Variants in ATRIP observed in about 807,000 individuals in gnomAD.
ATRIP encodes ATR interacting protein.
A neutral mutation model predicts 78.1 loss-of-function variants in ATRIP; 44 were observed. The observed-to-expected ratio is 0.56, with a 90% CI of 0.44 to 0.72. The LOEUF is 0.72. ATRIP is among the 30% of genes least tolerant of loss of function. The probability of loss-of-function intolerance (pLI) is 0.00; values close to 1 mark genes in which losing one functional copy is unlikely to be tolerated. For synonymous variants in ATRIP, 388 were observed against 408.9 expected, an observed-to-expected ratio of 0.95 and a Z score of 0.62; for missense variants, 927 against 980.2, an observed-to-expected ratio of 0.95 and a Z score of 0.72.
chr3:48,449,709 C>T (rs1300731444), intron 1 of ATRIP, among the ~76,000 whole-genome samples: 1 of 144,858 alleles, frequency 6.9e-6, no homozygotes, highest in South Asian at 2.1e-4. Flanking sequence ...GGGTGGATCG[C>T]GAGGACAGGA....
At chr3:48,452,842 A>G (rs181400761) in intron 3 of ATRIP, among the ~76,000 whole-genome samples, 2 of 151,858 alleles carry the variant, frequency 1.3e-5, no homozygotes, top group Admixed American at 1.3e-4. Context: ...CATTCTAATA[A>G]AATAGTCAGA....
At chr3:48,459,542 C>T (rs1303573424) in intron 6 of ATRIP, 88 bp downstream of exon 6, 1 of 1,349,984 alleles carries the variant, frequency 7.4e-7, no homozygotes, top group African/African-American at 1.5e-5. Flanking sequence ...GAACCGGTGC[C>T]CCGGGCAGTC....
At position 48,451,850 on chromosome 3, in the gene ATRIP, A is replaced by G; in HGVS notation, c.503A>G (p.Gln168Arg). Residue 168 changes from glutamine to arginine, a missense_variant, in exon 3 of 13, where the codon CAA becomes CGA. By Grantham distance (43) the Gln-to-Arg change is conservative. Coordinates refer to ENST00000320211, the MANE Select transcript of ATRIP (RefSeq NM_130384.3). ...EQRRSHFLLE[Q>R]EKTQALSDKE... ...AGAAGATCACATTTTCTTCTTGAGC[A>G]AGAGAAAACCCAAGCACTCAGTGAC... The G allele has an allele frequency of 1.2e-6, 2 of 1,612,764 alleles. No homozygotes were observed. Among genetic ancestry groups the G allele is most frequent in the Non-Finnish European group, 1.7e-6 (2 of 1,179,136 alleles).
chr3:48,450,589 A>AT (rs756559976), intron 2 of ATRIP: 107,903 of 969,792 alleles, frequency 0.11, 4 homozygotes, highest in Non-Finnish European at 0.12. Flanking sequence ...TGTGACCCAG[A>AT]TTTTTTTTTT....
At chr3:48,458,117 A>T (rs558108769) in intron 5 of ATRIP, among the ~76,000 whole-genome samples, 24 of 136,798 alleles carry the variant, frequency 1.8e-4, no homozygotes, top group African/African-American at 6.4e-4. Flanking sequence ...TCACCCTGTC[A>T]CCCAGGCTGG....
At chr3:48,464,689 C>T (rs1339240206) in intron 11 of ATRIP, 27 bp downstream of exon 11, 9 of 1,613,856 alleles carry the variant, frequency 5.6e-6, no homozygotes, top group Non-Finnish European at 6.8e-6. Flanking sequence ...CAACAGCTGG[C>T]AGCTCTGGTG....
At chr3:48,457,787 G>A (rs900038762) in intron 5 of ATRIP, among the ~76,000 whole-genome samples, 2 of 152,220 alleles carry the variant, frequency 1.3e-5, no homozygotes, top group African/African-American at 4.8e-5. Context: ...CTGCCACATT[G>A]TATTTGTTAG....
chr3:48,459,408 C>A lies in ATRIP; in HGVS notation c.879C>A (p.Ala293=). 6.2e-7 allele frequency: 1 copy of A among 1,613,974 alleles called. No homozygotes were observed. The highest frequency in any genetic ancestry group is 2.2e-5 in the East Asian group (1 of 44,872). The stretch of plus-strand genomic sequence containing the variant: ...GTGACTCCATAAAACAAGAAGAGGC[C>A]CAGAAAAGCTTTGTTGACAGCTGGA... The part of the protein sequence containing the change: ...LRGDSIKQEE[A]QKSFVDSWRQ... The change falls in exon 6 of 13, where the codon GCC becomes GCA. Residue 293 remains alanine, a synonymous_variant. Coordinates refer to ENST00000320211, the MANE Select transcript of ATRIP (RefSeq NM_130384.3).
chr3:48,455,184 G>A (rs1317468848), intron 4 of ATRIP, among the ~76,000 whole-genome samples: 1 of 152,154 alleles, frequency 6.6e-6, no homozygotes, highest in Non-Finnish European at 1.5e-5. Flanking sequence ...TTTGAACAGT[G>A]TCAGTCAGGG....
intron 1 of ATRIP, among the ~76,000 whole-genome samples, chr3:48,449,043 C>G (rs371518316): frequency 3.9e-5 from 6 of 152,298 alleles, no homozygotes; most frequent in Admixed American, 2.0e-4. Context: ...GAGATCTCCT[C>G]AGGCTTTAGA....
At chr3:48,461,215 C>G (rs1459095388) in intron 8 of ATRIP, 2 of 161,172 alleles carry the variant, frequency 1.2e-5, no homozygotes, top group African/African-American at 2.4e-5. Context: ...CACGGGCTGA[C>G]CTTGCTGGGA....
rs956931447 is a variant in ATRIP at position 48,460,679 on chromosome 3, T to C, written c.1625T>C (p.Leu542Pro). Residue 542 changes from leucine (L) to proline (P), a missense_variant, in exon 8 of 13, where the codon CTT becomes CCT. Coordinates refer to ENST00000320211, the MANE Select transcript of ATRIP (RefSeq NM_130384.3). Reference sequence around the variant, plus strand: ...GGACAGCACCCACTGTTGAAGATGCTTCTTCACCTGTTGGCTTTCTCTTCT... The same window carrying C: ...GGACAGCACCCACTGTTGAAGATGCCTCTTCACCTGTTGGCTTTCTCTTCT... ...DQGQHPLLKM[L>P]LHLLAFSSAA... 6.2e-7 allele frequency: 1 copy of C among 1,614,046 alleles called. No homozygotes were observed.
rs754954019 is a variant in ATRIP at position 48,464,821 on chromosome 3, CCT to C, written c.2056-4_2056-3del. The stretch of plus-strand genomic sequence containing the variant: ...GCACCAGGCCTCAGTCTGCACCCCC[CCT>C]CTCTCAGGTGGTCAGAGCGCTCACG... On this transcript the variant is annotated splice_polypyrimidine_tract_variant and splice_region_variant and intron_variant, in intron 11 of 12. Coordinates refer to ENST00000320211, the MANE Select transcript of ATRIP (RefSeq NM_130384.3). 9.3e-6 allele frequency: 15 copies of C among 1,604,964 alleles called. No homozygotes were observed. The highest frequency in any genetic ancestry group is 2.7e-5 in the African/African-American group (2 of 74,754).
At chr3:48,447,263 G>A in intron 1 of ATRIP, 171 bp downstream of exon 1, 1 of 1,267,244 alleles carries the variant, frequency 7.9e-7, no homozygotes, top group African/African-American at 1.5e-5. Flanking sequence ...TTTGATTTTA[G>A]GGGGAAATGC....
In ATRIP at chr3:48,467,234, C is replaced by T. The variant is rs1222319655; in HGVS notation, c.*1680C>T. On this transcript the variant is annotated 3_prime_UTR_variant, in exon 13 of 13. Transcript: ENST00000320211. ...GCCTGTATGGGCAGTCCCCTCCAGA[C>T]TCGCACACGGCTGAGGGTGATGTCC... The T allele has an allele frequency of 6.2e-7, 1 of 1,614,134 alleles. No homozygotes were observed. Among genetic ancestry groups the T allele is most frequent in the Admixed American group, 1.7e-5 (1 of 60,032 alleles).
intron 1 of ATRIP, among the ~76,000 whole-genome samples, chr3:48,447,926 T>A (rs1389728597): frequency 6.6e-6 from 1 of 152,232 alleles, no homozygotes; most frequent in Non-Finnish European, 1.5e-5. Flanking sequence ...CTAATTTATT[T>A]GGAAAGCATG....
In ATRIP at chr3:48,467,169, G is replaced by A. The variant is rs559694447; in HGVS notation, c.*1615G>A. 6.8e-6 allele frequency: 11 copies of A among 1,613,994 alleles called. No homozygotes were observed. The highest frequency in any genetic ancestry group is 2.7e-5 in the African/African-American group (2 of 75,038). On this transcript the variant is annotated 3_prime_UTR_variant, in exon 13 of 13. Transcript: ENST00000320211. ...GCGAGCAAGCAGCCCCTCAGAACAC[G>A]GCCCAAGGAAGAGCTATAGCCTAGG...
Position 48,466,285 on chromosome 3 carries a change from ACTG to A in ATRIP, c.*733_*735del, listed in dbSNP as rs1297159447. ...CGGGAGAGTGTGCAGCCGAGTCACT[ACTG>A]CCTGCCTGCCTGCCTGCTACGGTGA... On this transcript the variant is annotated 3_prime_UTR_variant, in exon 13 of 13. Transcript: ENST00000320211. 1.3e-5 allele frequency: 9 copies of A among 668,030 alleles called. No homozygotes were observed. The East Asian group carries it at 2.5e-4, about 18-fold the overall frequency. The allele number at this position is 668,030 out of a possible 1,614,324, so 41.4% of individuals were successfully genotyped here. A position where few individuals can be genotyped will look rare whatever the true frequency, so the allele number is the denominator to read the frequency against.
chr3:48,464,194 CTCCT>C (rs2040201847), intron 10 of ATRIP, 62 bp downstream of exon 10: 1 of 1,389,284 alleles, frequency 7.2e-7, no homozygotes, highest in African/African-American at 1.4e-5. Context: ...CCAACAGAAT[CTCCT>C]TTCTTTCCGC....
Sources: allele counts gnomAD v4.1 joint callset (sites outside exome capture counted in the v4.1 genomes callset), GRCh38; gene constraint gnomAD v4.1.1; transcripts MANE v1.5; gene names NCBI Gene and HGNC (gene_info 2026-07-23, HGNC 2026-07-21).